SNTG1: variants seen among roughly 807,000 people sequenced by gnomAD.
SNTG1 encodes the protein syntrophin gamma 1.
A neutral mutation model predicts 74.7 loss-of-function variants in SNTG1; 39 were observed. The ratio of observed to expected loss-of-function variants is 0.52; its 90% CI spans 0.40 to 0.68. The LOEUF is 0.68. Ranked by LOEUF, SNTG1 falls within the 30% of genes least tolerant of loss-of-function variation. The pLI is 0.00. For synonymous variants in SNTG1, 254 were observed against 217.1 expected (o/e 1.17, Z -1.49); for missense variants, 685 against 609.5 (o/e 1.12, Z -1.30).
chr8:49,965,358 G>A (rs546870528), intron 1 of SNTG1, among the ~76,000 whole-genome samples: 1 of 152,210 alleles, frequency 6.6e-6, no homozygotes, highest in African/African-American at 2.4e-5. Flanking sequence ...TGAACTTCTG[G>A]ATATGTATAC....
chr8:50,246,118 T>A (rs1243342435), intron 2 of SNTG1, among the ~76,000 whole-genome samples: 5 of 150,530 alleles, frequency 3.3e-5, no homozygotes, highest in African/African-American at 1.2e-4. Context: ...GACCTGATAC[T>A]AGATGCATAA....
At chr8:50,676,516 T>G (rs932675944) in intron 15 of SNTG1, among the ~76,000 whole-genome samples, 2 of 151,982 alleles carry the variant, frequency 1.3e-5, no homozygotes, top group Non-Finnish European at 2.9e-5. Flanking sequence ...GTTACTCTAG[T>G]TAACAGTTCC....
At position 49,947,259 on chromosome 8, in the gene SNTG1, C is replaced by G. The variant is rs543925689; in HGVS notation, c.-103+35028C>G. 5.8e-4 allele frequency among the ~76,000 whole-genome samples: 88 copies of G among 152,232 alleles called. 1 individual carries two copies. In the South Asian group the frequency reaches 0.017, roughly 30 times the overall value. The stretch of plus-strand genomic sequence containing the variant: ...AGGTTGCAGTGAGTCAAGATCCCAC[C>G]ATTGCACTCCAGTCTGGATGATAAG... On this transcript the variant is annotated intron_variant, in intron 1 of 18. Transcript: ENST00000642720.
chr8:50,086,113 A>G (rs1173083465), intron 1 of SNTG1, among the ~76,000 whole-genome samples: 1 of 152,226 alleles, frequency 6.6e-6, no homozygotes, highest in African/African-American at 2.4e-5. Context: ...GAGGGTTAAA[A>G]CAAATGTGGA....
chr8:50,670,227 A>C (rs553508397), intron 15 of SNTG1, among the ~76,000 whole-genome samples: 1 of 152,316 alleles, frequency 6.6e-6, no homozygotes, highest in South Asian at 2.1e-4. Flanking sequence ...AAGGGTATTC[A>C]ATTAGGAAAA....
At chr8:50,574,713 T>C (rs1248199672) in intron 12 of SNTG1, among the ~76,000 whole-genome samples, 1 of 152,186 alleles carries the variant, frequency 6.6e-6, no homozygotes, top group Non-Finnish European at 1.5e-5. Flanking sequence ...GTATATTATA[T>C]AATAACTTAC....
rs2087318450 is a variant in SNTG1 at position 50,263,829 on chromosome 8, T to A, written c.-28+91194T>A. Among the ~76,000 whole-genome samples the A allele has an allele frequency of 2.0e-5, 3 of 152,314 alleles. No individual in the cohort carries two copies. The South Asian group carries it at 6.2e-4, about 32-fold the overall frequency. On this transcript the variant is annotated intron_variant, in intron 2 of 18. Transcript: ENST00000642720. Reference sequence around the variant, plus strand: ...CAGAAGACTTGAACAGCTCTATGAATCCTTGCTAACCCCAACAGACATGTG... The same window carrying A: ...CAGAAGACTTGAACAGCTCTATGAAACCTTGCTAACCCCAACAGACATGTG...
intron 13 of SNTG1, among the ~76,000 whole-genome samples, chr8:50,610,164 C>G (rs1227497693): frequency 6.6e-6 from 1 of 152,062 alleles, no homozygotes; most frequent in Non-Finnish European, 1.5e-5. Flanking sequence ...GATCTGTCTC[C>G]CTTGTGGTGT....
chr8:50,660,435 AAGAAAG>A (rs1257701719), intron 15 of SNTG1, among the ~76,000 whole-genome samples: 2 of 133,694 alleles, frequency 1.5e-5, no homozygotes, highest in African/African-American at 2.6e-5. Context: ...AGAAGAAAGA[AAGAAAG>A]AGAAAAAAGA....
At chr8:50,193,058 T>C (rs1440347892) in intron 2 of SNTG1, among the ~76,000 whole-genome samples, 2 of 152,144 alleles carry the variant, frequency 1.3e-5, no homozygotes, top group Admixed American at 6.6e-5. Flanking sequence ...TATGGCCTTA[T>C]AGTATAGTTT....
At chr8:50,409,405 A>T (rs774844668) in intron 4 of SNTG1, among the ~76,000 whole-genome samples, 21 of 152,178 alleles carry the variant, frequency 1.4e-4, no homozygotes, top group Non-Finnish European at 2.5e-4. Flanking sequence ...ACACAGTTGA[A>T]GTTTTAGCAT....
At chr8:50,667,495 G>A (rs535377124) in intron 15 of SNTG1, among the ~76,000 whole-genome samples, 2 of 152,030 alleles carry the variant, frequency 1.3e-5, no homozygotes, top group Non-Finnish European at 2.9e-5. Context: ...ACAGAGGGAA[G>A]CATCACAAGG....
At chr8:50,553,822 A>G (rs1398679625) in intron 12 of SNTG1, among the ~76,000 whole-genome samples, 3 of 152,200 alleles carry the variant, frequency 2.0e-5, no homozygotes, top group Non-Finnish European at 4.4e-5. Flanking sequence ...CTAACAAAAT[A>G]TACAAAACCA....
intron 1 of SNTG1, among the ~76,000 whole-genome samples, chr8:50,068,356 C>T (rs1392045945): frequency 6.6e-6 from 1 of 152,174 alleles, no homozygotes; most frequent in Admixed American, 6.5e-5. Context: ...GTACTTTCTT[C>T]TCTTCCTCAG....
chr8:50,534,245 G>A (rs191220423), intron 10 of SNTG1, among the ~76,000 whole-genome samples: 2 of 152,208 alleles, frequency 1.3e-5, no homozygotes, highest in East Asian at 3.9e-4. Context: ...GGGTGACTTG[G>A]GTAAATTGTT....
intron 15 of SNTG1, among the ~76,000 whole-genome samples, chr8:50,660,547 A>C (rs1409590104): frequency 1.3e-5 from 2 of 151,640 alleles, no homozygotes; most frequent in East Asian, 3.9e-4. Context: ...AGGAAAGAAA[A>C]CTGCCTCAAC....
intron 1 of SNTG1, among the ~76,000 whole-genome samples, chr8:50,126,253 C>A (rs566597990): frequency 2.5e-4 from 38 of 152,162 alleles, no homozygotes; most frequent in Admixed American, 1.2e-3. Flanking sequence ...TCAAACCAGG[C>A]CTTTGGACTC....
chr8:50,403,246 G>A (rs2092828930), intron 4 of SNTG1, among the ~76,000 whole-genome samples: 1 of 152,196 alleles, frequency 6.6e-6, no homozygotes, highest in Admixed American at 6.5e-5. Context: ...TGTTTAGTTG[G>A]TGGTGAATAA....
intron 1 of SNTG1, among the ~76,000 whole-genome samples, chr8:50,042,922 G>A (rs992298466): frequency 1.3e-5 from 2 of 152,082 alleles, no homozygotes; most frequent in African/African-American, 2.4e-5. Flanking sequence ...TGTCTATTTA[G>A]CAATTAAAGC....
Sources: allele counts gnomAD v4.1 joint callset (sites outside exome capture counted in the v4.1 genomes callset), GRCh38; gene constraint gnomAD v4.1.1; transcripts MANE v1.5; gene names NCBI Gene and HGNC (gene_info 2026-07-23, HGNC 2026-07-21).